ADAMTS9: variants seen among roughly 807,000 people sequenced by gnomAD.
The protein encoded by ADAMTS9 is ADAM metallopeptidase with thrombospondin type 1 motif 9, also known as A disintegrin and metalloproteinase with thrombospondin motifs 9.
ADAMTS9 carries 107 observed loss-of-function variants against 257.1 expected under a neutral mutation model. The observed-to-expected ratio is 0.42, with a 90% CI of 0.36 to 0.49. ADAMTS9 has a LOEUF of 0.49. Ranked by LOEUF, ADAMTS9 falls within the 20% of genes least tolerant of loss-of-function variation. The pLI is 0.03. For missense variants in ADAMTS9, 2,353 were observed against 2,469.1 expected (o/e 0.95, Z 1.00); for synonymous variants, 982 against 880.9 (o/e 1.11, Z -2.03).
intron 28 of ADAMTS9, among the ~76,000 whole-genome samples, chr3:64,578,470 A>C (rs773676054): frequency 2.0e-5 from 3 of 152,224 alleles, no homozygotes; most frequent in Non-Finnish European, 2.9e-5. Flanking sequence ...ATTCAGATGG[A>C]AATCAAAAGA....
intron 26 of ADAMTS9, among the ~76,000 whole-genome samples, chr3:64,601,244 A>G (rs966113494): frequency 6.6e-4 from 100 of 152,322 alleles, no homozygotes; most frequent in Non-Finnish European, 1.8e-4. Flanking sequence ...TATCTGCATC[A>G]TCTTATTTAA....
chr3:64,622,358 T>C (rs1388742453), intron 17 of ADAMTS9, 31 bp from the exon 18 acceptor site: 1 of 1,611,790 alleles, frequency 6.2e-7, no homozygotes, highest in Non-Finnish European at 8.5e-7. Flanking sequence ...AGAAACGAAC[T>C]GGGTGGGCTT....
At chr3:64,600,258 T>A (rs1242662188) in intron 26 of ADAMTS9, among the ~76,000 whole-genome samples, 1 of 152,126 alleles carries the variant, frequency 6.6e-6, no homozygotes, top group Non-Finnish European at 1.5e-5. Flanking sequence ...TGCAATGCAA[T>A]GCAAAGATGA....
chr3:64,567,719 C>T (rs2083577616), intron 29 of ADAMTS9, among the ~76,000 whole-genome samples: 1 of 151,418 alleles, frequency 6.6e-6, no homozygotes, highest in South Asian at 2.1e-4. Context: ...ATCCCATACA[C>T]ACATCACACT....
rs1220490771 is a variant in ADAMTS9, at chr3:64,681,158, A to C, written c.679+43T>G. On this transcript the variant is annotated intron_variant, in intron 3 of 39. Transcript: ENST00000498707. ...ATCTCTGTAGTATAGCAATTTACCC[A>C]TCTCAAAGAGCTGGGCTCTCCGCTT... 4 of 1,584,742 alleles carry C rather than the reference A, an allele frequency of 2.5e-6. No individual in the cohort carries two copies. The South Asian group carries it at 3.5e-5, about 14-fold the overall frequency.
Position 64,648,140 on chromosome 3 carries a change from G to T in ADAMTS9, c.1606-96C>A. The T allele has an allele frequency of 4.6e-6, 5 of 1,089,580 alleles. No individual in the cohort carries two copies. In the Admixed American group the frequency reaches 8.2e-5, roughly 18 times the overall value. The allele number at this position is 1,089,580 out of a possible 1,614,324, so 67.5% of individuals were successfully genotyped here. On this transcript the variant is annotated intron_variant, in intron 10 of 39. Transcript: ENST00000498707. Reference sequence around the variant, plus strand: ...TGCTTTCAACTAATGTTTCACCAATGACATAGGGTAAGTGGGGAAGGAAAT... The same window carrying T: ...TGCTTTCAACTAATGTTTCACCAATTACATAGGGTAAGTGGGGAAGGAAAT...
chr3:64,546,480 A>G (rs966375987), intron 32 of ADAMTS9, among the ~76,000 whole-genome samples: 10 of 152,366 alleles, frequency 6.6e-5, no homozygotes, highest in Admixed American at 5.9e-4. Flanking sequence ...ACTGAGACAC[A>G]AAGGTTATGC....
intron 25 of ADAMTS9, 72 bp from the exon 26 acceptor site, chr3:64,602,285 T>C: frequency 3.9e-6 from 6 of 1,550,684 alleles, no homozygotes; most frequent in East Asian, 2.3e-5. Flanking sequence ...GAATGTGCAT[T>C]TCTGTAAATG....
intron 11 of ADAMTS9, among the ~76,000 whole-genome samples, chr3:64,644,193 A>T (rs1700729571): frequency 6.6e-6 from 1 of 152,238 alleles, no homozygotes; most frequent in Non-Finnish European, 1.5e-5. Flanking sequence ...TGTTCTAAGC[A>T]TTATATATAC....
chr3:64,548,845 C>G (rs1375151722), intron 31 of ADAMTS9, among the ~76,000 whole-genome samples: 1 of 152,252 alleles, frequency 6.6e-6, no homozygotes, highest in Admixed American at 6.5e-5. Flanking sequence ...GCACGTATTA[C>G]TTTTCTAAAT....
chr3:64,687,505 C>T lies in ADAMTS9; in HGVS notation c.115+38G>A, dbSNP rs1020345611. ...AGGAGCGAGGACCGGGAGGCGGCGT[C>T]GGGGCCGGCGGGGTCCCGGGGGCCG... is the stretch of plus-strand genomic sequence containing the variant. On this transcript the variant is annotated intron_variant, in intron 1 of 39. Coordinates refer to ENST00000498707, the MANE Select transcript of ADAMTS9 (RefSeq NM_182920.2). The surrounding 1 kb of genome is among the most constrained non-coding windows in gnomAD (Gnocchi z 4.4). The T allele has an allele frequency of 6.8e-7, 1 of 1,474,030 alleles. No individual in the cohort carries two copies. Among genetic ancestry groups the T allele is most frequent in the Non-Finnish European group, 9.1e-7 (1 of 1,099,638 alleles). 91.3% of individuals were successfully genotyped at this position (1,474,030 alleles called of 1,614,324 possible).
chr3:64,631,378 C>A, intron 16 of ADAMTS9, 77 bp downstream of exon 16: 1 of 1,175,822 alleles, frequency 8.5e-7, no homozygotes, highest in Non-Finnish European at 1.3e-6. Flanking sequence ...CTCTGCATGC[C>A]AGAGAAGGAA....
chr3:64,594,553 C>T, intron 27 of ADAMTS9, 119 bp from the exon 28 acceptor site: 1 of 1,209,034 alleles, frequency 8.3e-7, no homozygotes, highest in African/African-American at 1.5e-5. Flanking sequence ...AAGCCTCTGA[C>T]AGATGGAACC....
intron 27 of ADAMTS9, among the ~76,000 whole-genome samples, chr3:64,594,855 C>T (rs1206698881): frequency 2.0e-5 from 3 of 152,062 alleles, no homozygotes; most frequent in Non-Finnish European, 2.9e-5. Flanking sequence ...GGCACGATCT[C>T]GGCTCACTGC....
rs774334441 is a variant in ADAMTS9, at chr3:64,550,971, A to T, written c.4790T>A (p.Val1597Glu). 1.2e-5 allele frequency: 19 copies of T among 1,614,058 alleles called. No homozygotes were observed. The Admixed American group carries it at 3.2e-4, about 27-fold the overall frequency. ...KNEVHGARCD[V>E]SKRPVDRESC... Reference sequence around the variant, plus strand: ...TTCACGGTCCACCGGCCGCTTGCTCACGTCACAGCGTGCCCCATGCACCTC... The same window carrying T: ...TTCACGGTCCACCGGCCGCTTGCTCTCGTCACAGCGTGCCCCATGCACCTC... Residue 1597 changes from valine (V) to glutamate (E), a missense_variant, in exon 31 of 40, where the codon GTG becomes GAG. This residue lies in a region of ADAMTS9 where 1,402 missense variants were observed against 1,441.4 expected (regional missense o/e 0.97). Transcript: ENST00000498707.
chr3:64,564,850 T>G (rs763330178), intron 29 of ADAMTS9, among the ~76,000 whole-genome samples: 1 of 152,030 alleles, frequency 6.6e-6, no homozygotes, highest in Non-Finnish European at 1.5e-5. Flanking sequence ...GGCAGATACT[T>G]CATAAATAAA....
chr3:64,523,919 C>G (rs1020331536), intron 38 of ADAMTS9, among the ~76,000 whole-genome samples: 2 of 152,166 alleles, frequency 1.3e-5, no homozygotes, highest in Admixed American at 6.5e-5. Context: ...CTTAATGGCT[C>G]TGAATATTAG....
intron 3 of ADAMTS9, among the ~76,000 whole-genome samples, chr3:64,660,650 G>T (rs1273152671): frequency 6.6e-6 from 1 of 152,136 alleles, no homozygotes; most frequent in African/African-American, 2.4e-5. Context: ...CCGGTGATCA[G>T]ATCGACTGTC....
At chr3:64,647,443 G>A (rs768742058) in intron 11 of ADAMTS9, among the ~76,000 whole-genome samples, 7 of 152,136 alleles carry the variant, frequency 4.6e-5, no homozygotes, top group Non-Finnish European at 1.0e-4. Flanking sequence ...CTTGGATTTG[G>A]ATATATCCTG....
Sources: gnomAD v4.1 joint callset for allele counts (sites outside exome capture counted in the v4.1 genomes callset) on GRCh38, gnomAD v4.1.1 for gene constraint, gnomAD v4.1.1 regional missense constraint, Gnocchi (gnomAD v3.1) non-coding constraint, MANE v1.5 for transcripts, NCBI Gene and HGNC (gene_info 2026-07-23, HGNC 2026-07-21) for gene names.